The following SETD2 variants were observed in gnomAD, a reference collection of about 807,000 sequenced individuals.
SETD2 encodes the protein SET domain containing 2, histone lysine methyltransferase, also known as histone-lysine N-methyltransferase SETD2.
In SETD2, 31 loss-of-function variants were observed where a neutral mutation model predicts 242.1. That is an observed-to-expected ratio of 0.13 (90% CI 0.10 to 0.17). The LOEUF (loss-of-function observed/expected upper bound fraction) is 0.17. SETD2 is among the 10% of genes least tolerant of loss of function. The probability of loss-of-function intolerance (pLI) is 1.00; values close to 1 mark genes in which losing one functional copy is unlikely to be tolerated. For synonymous variants in SETD2, 1,006 were observed against 1,066.5 expected (o/e 0.94, Z 1.11); for missense variants, 2,481 against 3,046.3 (o/e 0.81, Z 4.37).
chr3:47,042,807 T>C, intron 16 of SETD2, 107 bp from the exon 17 acceptor site: 1 of 996,724 alleles, frequency 1.0e-6, no homozygotes, highest in Non-Finnish European at 1.5e-6. Flanking sequence ...CTACCTCCTC[T>C]TAAAAAAAGG....
intron 9 of SETD2, among the ~76,000 whole-genome samples, chr3:47,094,488 C>T (rs2041928973): frequency 6.6e-6 from 1 of 152,234 alleles, no homozygotes; most frequent in Non-Finnish European, 1.5e-5. Context: ...TGCTAGCTAT[C>T]TTGTCCTTTC....
At chr3:47,140,599 G>A (rs565829429) in intron 1 of SETD2, among the ~76,000 whole-genome samples, 4 of 152,170 alleles carry the variant, frequency 2.6e-5, no homozygotes, top group Admixed American at 6.5e-5. Flanking sequence ...AGTGGCTCAC[G>A]CCTGTAATCT....
intron 1 of SETD2, among the ~76,000 whole-genome samples, chr3:47,159,288 C>T (rs149728398): frequency 6.6e-6 from 1 of 152,298 alleles, no homozygotes; most frequent in Non-Finnish European, 1.5e-5. Flanking sequence ...CAATATCTAA[C>T]AGGCAATCTC....
intron 9 of SETD2, among the ~76,000 whole-genome samples, chr3:47,089,825 C>A (rs1222711803): frequency 6.6e-6 from 1 of 151,894 alleles, no homozygotes; most frequent in Non-Finnish European, 1.5e-5. Context: ...AAGATAAAGA[C>A]AAGAGGAAAG....
chr3:47,154,277 T>G (rs1324904559), intron 1 of SETD2, among the ~76,000 whole-genome samples: 3 of 151,248 alleles, frequency 2.0e-5, no homozygotes, highest in African/African-American at 7.3e-5. Context: ...GGCGTGGTGG[T>G]GCGCGCCTGT....
intron 18 of SETD2, among the ~76,000 whole-genome samples, chr3:47,027,233 G>A (rs1411762588): frequency 1.3e-5 from 2 of 151,754 alleles, no homozygotes; most frequent in South Asian, 4.2e-4. Flanking sequence ...AGCTACTCAG[G>A]AGGCTGAGGC....
At chr3:47,133,442 TCCC>T (rs2043524379) in intron 1 of SETD2, among the ~76,000 whole-genome samples, 1 of 151,858 alleles carries the variant, frequency 6.6e-6, no homozygotes. Flanking sequence ...TCTCACAGAA[TCCC>T]CCCCAACCCT....
rs2106688587 is a variant in SETD2 at position 47,122,834 on chromosome 3, C to A, written c.1802G>T (p.Arg601Ile). The change falls in exon 3 of 21, where the codon AGA (arginine) becomes ATA (isoleucine). Residue 601 changes from arginine (R) to isoleucine (I), a missense_variant. Transcript: ENST00000409792. ...QTPCSKGSELRMINKNPEREK... is the reference protein window; with the variant it reads ...QTPCSKGSELIMINKNPEREK... ...TCTTTCAGGATTTTTATTAATCATT[C>A]TTAATTCACTACCTTTTGAACAAGG... 2 of 1,613,398 alleles carry A rather than the reference C, an allele frequency of 1.2e-6. No individual in the cohort carries two copies. Among genetic ancestry groups the A allele is most frequent in the South Asian group, 2.2e-5 (2 of 90,972 alleles).
At chr3:47,117,416 A>G (rs933626333) in intron 3 of SETD2, among the ~76,000 whole-genome samples, 2 of 152,308 alleles carry the variant, frequency 1.3e-5, no homozygotes, top group Admixed American at 1.3e-4. Flanking sequence ...GATTCAGAAC[A>G]GTTTCAAGTG....
At chr3:47,088,353 A>G in intron 9 of SETD2, 106 bp from the exon 10 acceptor site, 2 of 1,090,698 alleles carry the variant, frequency 1.8e-6, no homozygotes, top group South Asian at 3.1e-5. Flanking sequence ...GAAAACACAA[A>G]TGAAGACCAA....
intron 15 of SETD2, among the ~76,000 whole-genome samples, chr3:47,049,323 A>ATATATATG (rs2039689391): frequency 1.0e-4 from 2 of 19,334 alleles, no homozygotes; most frequent in African/African-American, 7.4e-4. Flanking sequence ...ATATATATAT[A>ATATATATG]TATATATATA....
intron 3 of SETD2, among the ~76,000 whole-genome samples, chr3:47,117,290 A>G (rs1022145457): frequency 6.6e-6 from 1 of 151,544 alleles, no homozygotes; most frequent in African/African-American, 2.4e-5. Context: ...ACAAACAAAA[A>G]AAAAAACATG....
At chr3:47,153,729 G>C (rs918152947) in intron 1 of SETD2, among the ~76,000 whole-genome samples, 2 of 151,496 alleles carry the variant, frequency 1.3e-5, no homozygotes, top group African/African-American at 2.4e-5. Context: ...CTCCAGCCTA[G>C]GTGACAAGGG....
chr3:47,060,777 T>A (rs542257972), intron 14 of SETD2, among the ~76,000 whole-genome samples: 14 of 151,956 alleles, frequency 9.2e-5, no homozygotes, highest in Non-Finnish European at 2.1e-4. Context: ...ATTCCATGTA[T>A]CAAAAGGTAC....
chr3:47,125,607 C>T (rs2043301157), intron 2 of SETD2, among the ~76,000 whole-genome samples: 1 of 152,208 alleles, frequency 6.6e-6, no homozygotes, highest in Non-Finnish European at 1.5e-5. Context: ...CTTCTGCCTT[C>T]CTGGAGAGTA....
intron 9 of SETD2, among the ~76,000 whole-genome samples, chr3:47,088,484 C>T (rs1362210133): frequency 2.2e-5 from 2 of 89,640 alleles, no homozygotes; most frequent in African/African-American, 5.4e-5. Context: ...TCATCAAATA[C>T]GTAGCAAGAA....
intron 12 of SETD2, among the ~76,000 whole-genome samples, chr3:47,078,582 TG>T (rs2041195566): frequency 1.4e-5 from 2 of 145,578 alleles, no homozygotes; most frequent in African/African-American, 5.1e-5. Flanking sequence ...TGGCAAAATC[TG>T]AAAGAGGTCT....
intron 4 of SETD2, 73 bp from the exon 5 acceptor site, chr3:47,114,077 TTAGTA>T (rs1159921010): frequency 1.8e-5 from 26 of 1,449,122 alleles, no homozygotes; most frequent in Non-Finnish European, 2.4e-5. Flanking sequence ...AAAAAATGTG[TTAGTA>T]TAACTACATA....
chr3:47,107,145 C>A (rs747861037), intron 5 of SETD2, among the ~76,000 whole-genome samples: 19 of 152,136 alleles, frequency 1.2e-4, no homozygotes, highest in Non-Finnish European at 1.9e-4. Context: ...ACTATTAGTT[C>A]TATGTAGACA....
Sources: gnomAD v4.1 joint callset for allele counts (sites outside exome capture counted in the v4.1 genomes callset) on GRCh38, gnomAD v4.1.1 for gene constraint, MANE v1.5 for transcripts, NCBI Gene and HGNC (gene_info 2026-07-23, HGNC 2026-07-21) for gene names.